Variants in TBC1D21 observed in about 807,000 individuals in gnomAD.
TBC1D21 encodes the protein TBC1 domain family member 21, also known as male germ cell Rab GTPase-activating protein.
A neutral mutation model predicts 46.0 loss-of-function variants in TBC1D21; 38 were observed. That is an observed-to-expected ratio of 0.83 (90% CI 0.64 to 1.08). The LOEUF (loss-of-function observed/expected upper bound fraction) is 1.08. Among genes scored for constraint, TBC1D21 ranks in the 50% least tolerant of loss-of-function variants. TBC1D21 has a pLI of 0.00. For missense variants in TBC1D21, 415 were observed against 417.9 expected (o/e 0.99, Z 0.06); for synonymous variants, 151 against 157.2 (o/e 0.96, Z 0.29).
intron 1 of TBC1D21, among the ~76,000 whole-genome samples, chr15:73,880,038 C>T (rs1447488788): frequency 3.3e-5 from 5 of 151,672 alleles, no homozygotes; most frequent in African/African-American, 4.8e-5. Flanking sequence ...CTGGGATTAC[C>T]GGCATGCGCC....
chr15:73,898,566 A>C, the TBC1D21 span, among the ~76,000 whole-genome samples: 2 of 151,996 alleles, frequency 1.3e-5, no homozygotes, highest in Non-Finnish European at 2.9e-5. Context: ...TATTCATAAT[A>C]TATTGTTTCA....
chr15:73,873,906 C>T (rs2068012877), intron 1 of TBC1D21, 137 bp downstream of exon 1: 1 of 952,546 alleles, frequency 1.0e-6, no homozygotes, highest in African/African-American at 1.6e-5. Flanking sequence ...TTGTACCTTA[C>T]TCTTACCATC....
At chr15:73,882,895 T>C (rs1356966409) in intron 3 of TBC1D21, among the ~76,000 whole-genome samples, 1 of 152,168 alleles carries the variant, frequency 6.6e-6, no homozygotes, top group African/African-American at 2.4e-5. Context: ...CCCACAGTAG[T>C]GAGAACGGAG....
the TBC1D21 span, among the ~76,000 whole-genome samples, chr15:73,906,860 A>G: frequency 4.6e-3 from 706 of 152,288 alleles, 5 homozygotes; most frequent in African/African-American, 0.016. Context: ...AGAATGACTC[A>G]TTCACCGATG....
At chr15:73,873,872 A>G (rs2068012096) in intron 1 of TBC1D21, 103 bp downstream of exon 1, 1 of 1,368,766 alleles carries the variant, frequency 7.3e-7, no homozygotes, top group South Asian at 1.2e-5. Flanking sequence ...CCCTGAGCTA[A>G]CATAGAAGGT....
chr15:73,881,321 C>T, intron 1 of TBC1D21, 78 bp from the exon 2 acceptor site: 1 of 1,097,082 alleles, frequency 9.1e-7, no homozygotes, highest in Non-Finnish European at 1.4e-6. Flanking sequence ...TTGCAAAGTC[C>T]AGAACATATT....
At chr15:73,891,644 C>T (rs565906241), downstream of TBC1D21, among the ~76,000 whole-genome samples, 5 of 152,366 alleles carry the variant, frequency 3.3e-5, no homozygotes, top group South Asian at 8.3e-4. Flanking sequence ...TGCCTGCTCC[C>T]ACTGCCTGGC....
chr15:73,897,320 C>T, the TBC1D21 span, among the ~76,000 whole-genome samples: 1 of 152,222 alleles, frequency 6.6e-6, no homozygotes, highest in African/African-American at 2.4e-5. Context: ...CAATACCTGC[C>T]TTACAGGTTG....
the TBC1D21 span, among the ~76,000 whole-genome samples, chr15:73,896,652 G>C: frequency 6.6e-6 from 1 of 152,170 alleles, no homozygotes; most frequent in Admixed American, 6.5e-5. Context: ...TTGTGTTGGG[G>C]AGAGGAAGCG....
intron 8 of TBC1D21, among the ~76,000 whole-genome samples, chr15:73,886,822 T>G (rs1422441877): frequency 6.6e-6 from 1 of 152,210 alleles, no homozygotes; most frequent in East Asian, 1.9e-4. Flanking sequence ...AAGGCCCCAC[T>G]GACTGTGCCT....
In TBC1D21 at chr15:73,881,400, T is replaced by C. The variant is rs1399590159; in HGVS notation, c.62T>C (p.Val21Ala). 6.2e-7 allele frequency: 1 copy of C among 1,613,776 alleles called. No homozygotes were observed. Among genetic ancestry groups the C allele is most frequent in the Non-Finnish European group, 8.5e-7 (1 of 1,179,860 alleles). Residue 21 changes from valine (V) to alanine (A), a missense_variant and splice_region_variant, in exon 2 of 11, where the codon GTG becomes GCG. Transcript: ENST00000300504. ...AGAACTGGTTGCTGCTTTTGCCAGGTGAAGAGAAAACCACCCATTGACAAG... is the reference window on the plus strand; with the variant it reads ...AGAACTGGTTGCTGCTTTTGCCAGGCGAAGAGAAAACCACCCATTGACAAG... ...SARQSASFIL[V>A]KRKPPIDKTE... is the part of the protein sequence containing the mutation.
chr15:73,886,377 C>A (rs148679811), intron 7 of TBC1D21, 135 bp from the exon 8 acceptor site: 8 of 902,034 alleles, frequency 8.9e-6, no homozygotes, highest in Non-Finnish European at 1.4e-5. Flanking sequence ...TCTCCCAGGG[C>A]AGCTGGAAAA....
the TBC1D21 span, among the ~76,000 whole-genome samples, chr15:73,898,880 AATATATAT>A: frequency 3.5e-5 from 2 of 56,804 alleles, no homozygotes; most frequent in East Asian, 7.3e-4. Flanking sequence ...AAAAAAAAAA[AATATATAT>A]ATATATATAT....
rs2068215473 is a variant in TBC1D21, at chr15:73,884,891, G to A, written c.478G>A (p.Glu160Lys). The A allele has an allele frequency of 6.2e-7, 1 of 1,613,886 alleles. No individual in the cohort carries two copies. Among genetic ancestry groups the A allele is most frequent in the East Asian group, 2.2e-5 (1 of 44,876 alleles). ...LLSYVCNTQA[E>K]YQQGFHEMMM... ...GAGTTACGTCTGCAACACGCAGGCAGGTGAGCCTCAGCCTCCCCTTGTCAA... is the reference window on the plus strand; with the variant it reads ...GAGTTACGTCTGCAACACGCAGGCAAGTGAGCCTCAGCCTCCCCTTGTCAA... The change falls in exon 5 of 11, where the codon GAG (glutamate) becomes AAG (lysine). Residue 160 changes from glutamate (E) to lysine (K), a missense_variant and splice_region_variant. Transcript: ENST00000300504.
chr15:73,888,391 C>T (rs758409515), intron 9 of TBC1D21, 39 bp from the exon 10 acceptor site: 6 of 1,578,046 alleles, frequency 3.8e-6, no homozygotes, highest in Non-Finnish European at 5.2e-6. Flanking sequence ...AGATGTTTGC[C>T]CCAGCCCCAC....
At chr15:73,883,230 G>T (rs771256502) in intron 3 of TBC1D21, among the ~76,000 whole-genome samples, 2 of 152,230 alleles carry the variant, frequency 1.3e-5, no homozygotes, top group African/African-American at 2.4e-5. Context: ...GGGGTGGGAC[G>T]GGGGTGTGAG....
In TBC1D21 at chr15:73,873,570, C is replaced by A; in HGVS notation, c.-140C>A. On this transcript the variant is annotated 5_prime_UTR_variant, in exon 1 of 11. It adds an upstream start codon to the 5' untranslated region. Transcript: ENST00000300504. ...GTTCCAGGGGACTTGTGACACACTGCTGGCCGGCTCTGTTCAAGTGTGGGA... is the reference window on the plus strand; with the variant it reads ...GTTCCAGGGGACTTGTGACACACTGATGGCCGGCTCTGTTCAAGTGTGGGA... 1.2e-6 allele frequency: 1 copy of A among 813,146 alleles called. No homozygotes were observed. Among genetic ancestry groups the A allele is most frequent in the South Asian group, 1.7e-5 (1 of 59,446 alleles). The allele number at this position is 813,146 out of a possible 1,614,324, so 50.4% of individuals were successfully genotyped here.
chr15:73,898,880 A>AAAAAAAAT, the TBC1D21 span, among the ~76,000 whole-genome samples: 53 of 56,794 alleles, frequency 9.3e-4, 1 homozygote, highest in African/African-American at 1.4e-3. Context: ...AAAAAAAAAA[A>AAAAAAAAT]ATATATATAT....
intron 1 of TBC1D21, among the ~76,000 whole-genome samples, chr15:73,880,797 A>G (rs8036108): frequency 0.028 from 4,326 of 152,296 alleles, 209 homozygotes; most frequent in African/African-American, 0.098. Flanking sequence ...GAAAAAGGAT[A>G]AAAAGTACTT....
Sources: allele counts gnomAD v4.1 joint callset (sites outside exome capture counted in the v4.1 genomes callset), GRCh38; gene constraint gnomAD v4.1.1; transcripts MANE v1.5; gene names NCBI Gene and HGNC (gene_info 2026-07-23, HGNC 2026-07-21).